The following EYS variants were observed in gnomAD, a reference collection of about 807,000 sequenced individuals.
The protein encoded by EYS is protein eyes shut homolog.
In EYS, 250 loss-of-function variants were observed where a neutral mutation model predicts 282.1. That is an observed-to-expected ratio of 0.89 (90% CI 0.80 to 0.98). EYS has a LOEUF of 0.98. Ranked by LOEUF, EYS falls within the 50% of genes least tolerant of loss-of-function variation. The probability of loss-of-function intolerance (pLI) is 0.00; values close to 1 mark genes in which losing one functional copy is unlikely to be tolerated. For missense variants in EYS, 4,016 were observed against 3,709.0 expected (o/e 1.08, Z -2.15); for synonymous variants, 1,355 against 1,282.9 (o/e 1.06, Z -1.20).
chr6:64,703,977 A>G (rs764618776), intron 22 of EYS, among the ~76,000 whole-genome samples: 1 of 152,092 alleles, frequency 6.6e-6, no homozygotes, highest in Non-Finnish European at 1.5e-5. Context: ...CAATTTTTCA[A>G]TGTGGTTCCA....
intron 22 of EYS, among the ~76,000 whole-genome samples, chr6:64,788,588 A>G (rs1054470153): frequency 2.0e-5 from 3 of 152,146 alleles, no homozygotes; most frequent in Non-Finnish European, 4.4e-5. Context: ...AGGGGTCTAA[A>G]TGCTTCTAAC....
At chr6:65,559,129 G>A (rs1768932770) in intron 2 of EYS, among the ~76,000 whole-genome samples, 1 of 152,192 alleles carries the variant, frequency 6.6e-6, no homozygotes, top group South Asian at 2.1e-4. Context: ...CACTTTGAGA[G>A]GCTGATGATG....
intron 7 of EYS, among the ~76,000 whole-genome samples, chr6:65,390,236 C>CACTTGGAATAT (rs1473428883): frequency 6.6e-6 from 1 of 150,382 alleles, no homozygotes; most frequent in Non-Finnish European, 1.5e-5. Flanking sequence ...AAGAGGGATA[C>CACTTGGAATAT]CAAAGTTATC....
intron 14 of EYS, among the ~76,000 whole-genome samples, chr6:64,985,034 T>A (rs1289475595): frequency 6.6e-6 from 1 of 151,428 alleles, no homozygotes; most frequent in Non-Finnish European, 1.5e-5. Context: ...TCTGGTACAA[T>A]CTTTTGTAAA....
At chr6:64,562,909 G>A (rs116716629) in intron 26 of EYS, among the ~76,000 whole-genome samples, 377 of 151,962 alleles carry the variant, frequency 2.5e-3, no homozygotes, top group African/African-American at 7.6e-3. Context: ...TCATTTGGTT[G>A]CAGACAAATG....
chr6:64,627,000 T>C (rs1218982904), intron 22 of EYS, among the ~76,000 whole-genome samples: 1 of 152,206 alleles, frequency 6.6e-6, no homozygotes, highest in Non-Finnish European at 1.5e-5. Flanking sequence ...GAGACTATTG[T>C]ACTTCCTCTT....
At chr6:64,908,161 G>T (rs1240664999) in intron 16 of EYS, among the ~76,000 whole-genome samples, 3 of 152,140 alleles carry the variant, frequency 2.0e-5, no homozygotes, top group Non-Finnish European at 4.4e-5. Flanking sequence ...TGGGAGAGGT[G>T]CCCCATCTAC....
chr6:65,039,366 G>A (rs188523034), intron 13 of EYS, among the ~76,000 whole-genome samples: 189 of 151,298 alleles, frequency 1.2e-3, no homozygotes, highest in African/African-American at 4.2e-3. Flanking sequence ...TGATCAAACC[G>A]TCTTTTTATT....
chr6:65,575,095 T>C (rs1313296476), intron 2 of EYS, among the ~76,000 whole-genome samples: 1 of 151,990 alleles, frequency 6.6e-6, no homozygotes, highest in African/African-American at 2.4e-5. Flanking sequence ...CCAAGGTGCA[T>C]GGATCACTTG....
chr6:65,621,206 C>T (rs905994652), intron 2 of EYS, among the ~76,000 whole-genome samples: 1 of 152,076 alleles, frequency 6.6e-6, no homozygotes, highest in Non-Finnish European at 1.5e-5. Context: ...TTGTAGGTCG[C>T]TCAGGACTTG....
intron 22 of EYS, among the ~76,000 whole-genome samples, chr6:64,703,224 T>C (rs1239044205): frequency 6.6e-6 from 1 of 151,600 alleles, no homozygotes; most frequent in Non-Finnish European, 1.5e-5. Context: ...CCTTGTCTAA[T>C]TGATGGTGAT....
At chr6:65,072,389 A>C (rs1254652529) in intron 12 of EYS, among the ~76,000 whole-genome samples, 1 of 151,432 alleles carries the variant, frequency 6.6e-6, no homozygotes, top group Non-Finnish European at 1.5e-5. Context: ...AAGAGAAGAG[A>C]CAGATTGCTG....
intron 14 of EYS, among the ~76,000 whole-genome samples, chr6:64,974,766 G>T (rs755969982): frequency 7.2e-5 from 11 of 151,726 alleles, no homozygotes; most frequent in Non-Finnish European, 7.4e-5. Context: ...TGTGTATACC[G>T]CACAGCACAA....
Position 64,439,362 on chromosome 6 carries a change from C to T in EYS, c.5645-10G>A. The T allele has an allele frequency of 6.8e-7, 1 of 1,473,066 alleles. No individual in the cohort carries two copies. Among genetic ancestry groups the T allele is most frequent in the South Asian group, 1.4e-5 (1 of 70,550 alleles). 91.2% of individuals were successfully genotyped at this position (1,473,066 alleles called of 1,614,324 possible). On this transcript the variant is annotated splice_polypyrimidine_tract_variant and intron_variant, in intron 26 of 42. Transcript: ENST00000503581. ...CGAACACAACTGAAATCTGTGGAGT[C>T]AGAAAGAAAATACAATTTAGGTTGA...
chr6:65,358,055 T>C (rs1407354088), intron 8 of EYS, among the ~76,000 whole-genome samples: 1 of 151,934 alleles, frequency 6.6e-6, no homozygotes, highest in Non-Finnish European at 1.5e-5. Flanking sequence ...CCTCAGGTAC[T>C]ACGGTAATAT....
chr6:64,404,559 C>T (rs1373377322), intron 28 of EYS, among the ~76,000 whole-genome samples: 1 of 152,170 alleles, frequency 6.6e-6, no homozygotes, highest in Non-Finnish European at 1.5e-5. Flanking sequence ...TAAAATACTA[C>T]CACGTGTCAG....
At chr6:65,392,958 G>A (rs1022966105) in intron 7 of EYS, among the ~76,000 whole-genome samples, 10 of 152,250 alleles carry the variant, frequency 6.6e-5, no homozygotes, top group African/African-American at 2.4e-4. Context: ...TTAAGAAAAT[G>A]TGTCACATAT....
At chr6:65,382,513 T>G (rs1765656861) in intron 8 of EYS, among the ~76,000 whole-genome samples, 1 of 125,432 alleles carries the variant, frequency 8.0e-6, no homozygotes, top group African/African-American at 2.8e-5. Flanking sequence ...GCTCTTCTAG[T>G]TCATCCTTAT....
At chr6:64,310,499 T>C (rs1455680536) in intron 29 of EYS, among the ~76,000 whole-genome samples, 1 of 152,178 alleles carries the variant, frequency 6.6e-6, no homozygotes, top group African/African-American at 2.4e-5. Flanking sequence ...AAATACCACA[T>C]GTTCTCACTT....
Sources: allele counts gnomAD v4.1 joint callset (sites outside exome capture counted in the v4.1 genomes callset), GRCh38; gene constraint gnomAD v4.1.1; transcripts MANE v1.5; gene names NCBI Gene and HGNC (gene_info 2026-07-23, HGNC 2026-07-21).